Variants in PLXNA4 observed in about 807,000 individuals in gnomAD.
The protein encoded by PLXNA4 is plexin A4.
In PLXNA4, 44 loss-of-function variants were observed where a neutral mutation model predicts 191.8. The observed-to-expected ratio is 0.23, with a 90% CI of 0.18 to 0.29. The LOEUF (loss-of-function observed/expected upper bound fraction) is 0.29, where lower values mean the gene tolerates loss of function less well. PLXNA4 is among the 10% of genes least tolerant of loss of function. PLXNA4 has a pLI of 1.00. For missense variants in PLXNA4, 1,800 were observed against 2,488.8 expected (o/e 0.72, Z 5.89); for synonymous variants, 1,082 against 1,009.5 (o/e 1.07, Z -1.36).
intron 1 of PLXNA4, among the ~76,000 whole-genome samples, chr7:132,516,806 T>A (rs889440701): frequency 2.0e-5 from 3 of 152,042 alleles, no homozygotes; most frequent in African/African-American, 7.2e-5. Flanking sequence ...AAAAAACAAT[T>A]AGCTGGGCAT....
intron 2 of PLXNA4, among the ~76,000 whole-genome samples, chr7:132,618,091 C>T (rs937557009): frequency 6.6e-6 from 1 of 152,216 alleles, no homozygotes; most frequent in African/African-American, 2.4e-5. Flanking sequence ...GTCTCATGGG[C>T]CAGAATTGAG....
chr7:132,476,757 G>T (rs539620142), intron 3 of PLXNA4, among the ~76,000 whole-genome samples: 7 of 152,238 alleles, frequency 4.6e-5, no homozygotes, highest in Non-Finnish European at 8.8e-5. Context: ...TTAATTATAG[G>T]TAAAAGAAAT....
chr7:132,607,886 A>C (rs868476195), intron 2 of PLXNA4, among the ~76,000 whole-genome samples: 109 of 24,256 alleles, frequency 4.5e-3, no homozygotes, highest in African/African-American at 6.5e-3. Flanking sequence ...ATCACCATCA[A>C]CACCATCACC....
intron 9 of PLXNA4, among the ~76,000 whole-genome samples, chr7:132,216,625 C>T (rs1797970801): frequency 6.6e-6 from 1 of 152,180 alleles, no homozygotes; most frequent in Non-Finnish European, 1.5e-5. Context: ...TACCTCCATC[C>T]CCTTCCACAT....
At chr7:132,622,119 C>T (rs1439968296) in intron 2 of PLXNA4, among the ~76,000 whole-genome samples, 2 of 151,994 alleles carry the variant, frequency 1.3e-5, no homozygotes, top group African/African-American at 2.4e-5. Flanking sequence ...TGATGTGTAC[C>T]GCTTCCAGGA....
intron 13 of PLXNA4, among the ~76,000 whole-genome samples, chr7:132,196,290 C>T (rs752148488): frequency 6.6e-5 from 10 of 152,236 alleles, no homozygotes; most frequent in Non-Finnish European, 1.5e-4. Context: ...TGCCTTGCAC[C>T]CATGTGTAAT....
At position 132,364,999 on chromosome 7, in the gene PLXNA4, C is replaced by A. The variant is rs531412755; in HGVS notation, c.1372-66777G>T. On this transcript the variant is annotated intron_variant, in intron 3 of 31. Transcript: ENST00000321063. ...TTGTCCCATGCCAATGGAGATGTCC[C>A]CCTCCCTGGGGAAGACTGCACCAAA... is the stretch of plus-strand genomic sequence containing the variant. Among the ~76,000 whole-genome samples the A allele has an allele frequency of 6.6e-5, 10 of 152,290 alleles. No individual in the cohort carries two copies. In the East Asian group the frequency reaches 1.9e-3, roughly 29 times the overall value.
intron 3 of PLXNA4, among the ~76,000 whole-genome samples, chr7:132,437,569 G>GAAAAAAAAAAAAAAAAAAA: frequency 7.2e-6 from 1 of 138,368 alleles, no homozygotes; most frequent in Non-Finnish European, 1.5e-5. Flanking sequence ...GGAAAAAAAA[G>GAAAAAAAAAAAAAAAAAAA]AAAAAAAAAA....
chr7:132,206,028 G>C (rs774204159), intron 10 of PLXNA4, among the ~76,000 whole-genome samples: 4 of 131,510 alleles, frequency 3.0e-5, no homozygotes, highest in Non-Finnish European at 6.2e-5. Context: ...CATGTTATCT[G>C]TATGTCCATA....
intron 4 of PLXNA4, among the ~76,000 whole-genome samples, chr7:132,270,706 A>G (rs1800035285): frequency 6.6e-6 from 1 of 152,246 alleles, no homozygotes; most frequent in Admixed American, 6.5e-5. Flanking sequence ...AATCATTTAC[A>G]ATGCGGAGGA....
intron 4 of PLXNA4, among the ~76,000 whole-genome samples, chr7:132,246,640 T>C (rs1334559156): frequency 6.6e-6 from 1 of 152,168 alleles, no homozygotes; most frequent in Non-Finnish European, 1.5e-5. Context: ...TCCCCCTAGA[T>C]CACCTTTCTG....
rs1482588135 is a variant in PLXNA4 at position 132,156,135 on chromosome 7, T to TGGACATACAC, written c.4660+3337_4660+3338insGTGTATGTCC. Among the ~76,000 whole-genome samples, 3 of 133,006 alleles carry TGGACATACAC rather than the reference T, an allele frequency of 2.3e-5. No individual in the cohort carries two copies. The Admixed American group carries it at 2.3e-4, about 10-fold the overall frequency. 87.3% of individuals were successfully genotyped at this position (133,006 alleles called of 152,430 possible). A position where few individuals can be genotyped will look rare whatever the true frequency, so the allele number is the denominator to read the frequency against. On this transcript the variant is annotated intron_variant, in intron 25 of 31. Transcript: ENST00000321063. The stretch of plus-strand genomic sequence containing the variant: ...CTCTCTCTCTCTCTGTTTCTGGACA[T>TGGACATACAC]ACACACACACACACACACACACACA...
chr7:132,242,480 A>G (rs894416266), intron 4 of PLXNA4, among the ~76,000 whole-genome samples: 3 of 152,038 alleles, frequency 2.0e-5, no homozygotes, highest in Non-Finnish European at 4.4e-5. Context: ...TTAGTCTCCA[A>G]CTCTCTTTTG....
intron 4 of PLXNA4, among the ~76,000 whole-genome samples, chr7:132,255,211 G>A (rs954186727): frequency 6.6e-6 from 1 of 152,316 alleles, no homozygotes; most frequent in East Asian, 1.9e-4. Flanking sequence ...TGTTAGTCAG[G>A]AGTCTGTGGG....
intron 3 of PLXNA4, among the ~76,000 whole-genome samples, chr7:132,393,249 A>T (rs1585074596): frequency 7.5e-5 from 1 of 13,256 alleles, no homozygotes; most frequent in African/African-American, 3.2e-4. Context: ...AGACTCTCCC[A>T]CTCCCCATTC....
At chr7:132,311,877 G>T (rs921246360) in intron 3 of PLXNA4, among the ~76,000 whole-genome samples, 2 of 152,158 alleles carry the variant, frequency 1.3e-5, no homozygotes, top group Non-Finnish European at 2.9e-5. Flanking sequence ...GAATGCTGGA[G>T]CTGAGAAGGG....
chr7:132,270,119 G>A (rs1800009764), intron 4 of PLXNA4, among the ~76,000 whole-genome samples: 2 of 152,076 alleles, frequency 1.3e-5, no homozygotes, highest in Non-Finnish European at 2.9e-5. Context: ...AAGAAACAAG[G>A]ACATAGCCCT....
At chr7:132,412,417 C>T (rs192065769) in intron 3 of PLXNA4, among the ~76,000 whole-genome samples, 1 of 152,102 alleles carries the variant, frequency 6.6e-6, no homozygotes, top group Non-Finnish European at 1.5e-5. Context: ...TTGCAGACAG[C>T]GACCTGCAGG....
intron 3 of PLXNA4, among the ~76,000 whole-genome samples, chr7:132,477,425 C>G (rs1563121857): frequency 1.3e-5 from 2 of 152,224 alleles, no homozygotes; most frequent in African/African-American, 2.4e-5. Context: ...ATGTCCCAGA[C>G]AGGGGCTGCC....
Sources: gnomAD v4.1 joint callset for allele counts (sites outside exome capture counted in the v4.1 genomes callset) on GRCh38, gnomAD v4.1.1 for gene constraint, MANE v1.5 for transcripts, NCBI Gene and HGNC (gene_info 2026-07-23, HGNC 2026-07-21) for gene names.